Variants in IL1RAP observed in about 807,000 individuals in gnomAD.
IL1RAP encodes the protein interleukin 1 receptor accessory protein, also known as interleukin-1 receptor accessory protein.
IL1RAP carries 35 observed loss-of-function variants against 60.7 expected under a neutral mutation model. That is an observed-to-expected ratio of 0.58 (90% CI 0.44 to 0.76). The LOEUF (loss-of-function observed/expected upper bound fraction) is 0.76. IL1RAP is among the 30% of genes least tolerant of loss of function. The pLI, the probability that IL1RAP is intolerant of heterozygous loss-of-function variation, is 0.00. For synonymous variants in IL1RAP, 268 were observed against 250.9 expected (o/e 1.07, Z -0.64); for missense variants, 572 against 693.9 (o/e 0.82, Z 1.97).
intron 1 of IL1RAP, among the ~76,000 whole-genome samples, chr3:190,545,921 T>C (rs1724328948): frequency 6.6e-6 from 1 of 152,184 alleles, no homozygotes; most frequent in Non-Finnish European, 1.5e-5. Context: ...ACAGAGTGTT[T>C]TAAAAATATT....
At chr3:190,655,516 G>A (rs1400509926), downstream of IL1RAP, among the ~76,000 whole-genome samples, 1 of 151,318 alleles carries the variant, frequency 6.6e-6, no homozygotes, top group Admixed American at 6.6e-5. Flanking sequence ...ACTTGCTTTT[G>A]ATGGTGGCTA....
At chr3:190,515,455 G>C (rs1238457982) in intron 1 of IL1RAP, among the ~76,000 whole-genome samples, 1 of 152,104 alleles carries the variant, frequency 6.6e-6, no homozygotes, top group Non-Finnish European at 1.5e-5. Flanking sequence ...CCATCTTACA[G>C]AGGCATTTTA....
At chr3:190,532,498 G>A (rs112403168) in intron 1 of IL1RAP, among the ~76,000 whole-genome samples, 21,345 of 151,978 alleles carry the variant, frequency 0.14, 2,262 homozygotes, top group African/African-American at 0.3. Flanking sequence ...TCCTGACCTC[G>A]TGATCTGCCC....
At chr3:190,592,967 A>G (rs569853121) in intron 3 of IL1RAP, among the ~76,000 whole-genome samples, 24 of 152,156 alleles carry the variant, frequency 1.6e-4, no homozygotes, top group Non-Finnish European at 2.9e-4. Flanking sequence ...CAGTGTAAAT[A>G]CCTGGTGCCA....
intron 1 of IL1RAP, among the ~76,000 whole-genome samples, chr3:190,531,090 C>T (rs767319537): frequency 6.6e-6 from 1 of 152,214 alleles, no homozygotes; most frequent in South Asian, 2.1e-4. Context: ...TGTCCTTGTT[C>T]TAAATCCATT....
At chr3:190,605,150 C>A (rs1469006) in intron 4 of IL1RAP, among the ~76,000 whole-genome samples, 89,404 of 152,016 alleles carry the variant, frequency 0.59, 29,449 homozygotes, top group East Asian at 0.82. Context: ...CTTCTACCAA[C>A]TTTCCCCTAA....
chr3:190,644,083 C>T, intron 9 of IL1RAP, 165 bp from the exon 10 acceptor site: 1 of 967,204 alleles, frequency 1.0e-6, no homozygotes, highest in South Asian at 4.8e-5. Flanking sequence ...ATAACACAGT[C>T]TAGTATTTTA....
rs1730119100 is a variant in IL1RAP, at chr3:190,604,415, T to C, written c.350+2T>C. On this transcript the variant is annotated splice_donor_variant, in intron 4 of 11. Coordinates refer to ENST00000447382, the MANE Select transcript of IL1RAP (RefSeq NM_002182.4). LOFTEE classifies it high-confidence loss of function. ...TGGCAACTATACCTGCATGTTAAGGTAGCCTGATTCTTGGCAGTGGCTTTC... is the reference window on the plus strand; with the variant it reads ...TGGCAACTATACCTGCATGTTAAGGCAGCCTGATTCTTGGCAGTGGCTTTC... 6.2e-7 allele frequency: 1 copy of C among 1,611,314 alleles called. No individual in the cohort carries two copies. The highest frequency in any genetic ancestry group is 1.3e-5 in the African/African-American group (1 of 74,768).
chr3:190,566,300 G>C (rs1418950070), intron 3 of IL1RAP, among the ~76,000 whole-genome samples: 3 of 152,064 alleles, frequency 2.0e-5, no homozygotes, highest in Non-Finnish European at 2.9e-5. Context: ...GAACGTGTTT[G>C]GGTTCATGCC....
intron 3 of IL1RAP, among the ~76,000 whole-genome samples, chr3:190,575,242 G>A (rs1175162925): frequency 2.0e-5 from 3 of 152,186 alleles, no homozygotes; most frequent in African/African-American, 7.2e-5. Flanking sequence ...CAAAGATGAA[G>A]ACATTGTGCG....
intron 3 of IL1RAP, among the ~76,000 whole-genome samples, chr3:190,581,983 A>T (rs1469429740): frequency 1.3e-5 from 2 of 152,020 alleles, no homozygotes; most frequent in African/African-American, 2.4e-5. Flanking sequence ...GTTAGGTTCT[A>T]AAAAAAATAA....
chr3:190,597,993 G>A (rs961379918), intron 3 of IL1RAP, among the ~76,000 whole-genome samples: 1 of 152,084 alleles, frequency 6.6e-6, no homozygotes, highest in Non-Finnish European at 1.5e-5. Flanking sequence ...ACCCCAGCAG[G>A]CCTTCCTTTT....
chr3:190,581,889 G>A (rs1560187764), intron 3 of IL1RAP, among the ~76,000 whole-genome samples: 1 of 152,092 alleles, frequency 6.6e-6, no homozygotes, highest in Non-Finnish European at 1.5e-5. Flanking sequence ...ATGTCTAACT[G>A]TTTCAGGGTC....
chr3:190,605,808 T>A (rs1456955182), intron 4 of IL1RAP, among the ~76,000 whole-genome samples: 2 of 152,182 alleles, frequency 1.3e-5, no homozygotes, highest in East Asian at 3.8e-4. Context: ...ATGACCTCAT[T>A]TGAGCTCAGT....
chr3:190,602,861 G>A (rs1729976598), intron 3 of IL1RAP, among the ~76,000 whole-genome samples: 1 of 152,148 alleles, frequency 6.6e-6, no homozygotes, highest in African/African-American at 2.4e-5. Context: ...AGGGACATGA[G>A]GAAAAAACTA....
chr3:190,562,560 T>A (rs1725982147), intron 2 of IL1RAP, among the ~76,000 whole-genome samples: 1 of 152,090 alleles, frequency 6.6e-6, no homozygotes, highest in African/African-American at 2.4e-5. Flanking sequence ...ACCCTACATT[T>A]TGCCCATGAG....
chr3:190,559,635 T>C (rs951264074), intron 2 of IL1RAP, among the ~76,000 whole-genome samples: 1 of 152,200 alleles, frequency 6.6e-6, no homozygotes, highest in African/African-American at 2.4e-5. Flanking sequence ...TTTCAACCCA[T>C]ATATACTTTA....
At chr3:190,643,317 G>A (rs1292243500) in intron 9 of IL1RAP, among the ~76,000 whole-genome samples, 1 of 152,152 alleles carries the variant, frequency 6.6e-6, no homozygotes, top group Non-Finnish European at 1.5e-5. Context: ...CTTCCAGCCA[G>A]AAGTCACAGC....
intron 1 of IL1RAP, among the ~76,000 whole-genome samples, chr3:190,542,954 C>G (rs1724070042): frequency 1.4e-5 from 2 of 144,170 alleles, no homozygotes; most frequent in African/African-American, 5.2e-5. Flanking sequence ...AAATGATGAG[C>G]TGCAATAATG....
Sources: gnomAD v4.1 joint callset for allele counts (sites outside exome capture counted in the v4.1 genomes callset) on GRCh38, gnomAD v4.1.1 for gene constraint, MANE v1.5 for transcripts, NCBI Gene and HGNC (gene_info 2026-07-23, HGNC 2026-07-21) for gene names.